The following PIGL variants were observed in gnomAD, a reference collection of about 807,000 sequenced individuals.
PIGL encodes the protein N-acetylglucosaminyl-phosphatidylinositol de-N-acetylase.
In PIGL, 22 loss-of-function variants were observed where a neutral mutation model predicts 31.1. That is an observed-to-expected ratio of 0.71 (90% CI 0.51 to 1.01). The LOEUF is 1.01. PIGL is among the 50% of genes least tolerant of loss of function. The pLI is 0.00. For missense variants in PIGL, 302 were observed against 315.9 expected, an observed-to-expected ratio of 0.96 and a Z score of 0.33; for synonymous variants, 131 against 117.4, an observed-to-expected ratio of 1.12 and a Z score of -0.75.
At position 16,269,148 on chromosome 17, in the gene PIGL, C is replaced by G. The variant is rs558420291; in HGVS notation, c.336-30740C>G. 2.6e-5 allele frequency among the ~76,000 whole-genome samples: 4 copies of G among 152,308 alleles called. No homozygotes were observed. In the South Asian group the frequency reaches 8.3e-4, roughly 32 times the overall value. On this transcript the variant is annotated intron_variant, in intron 2 of 6. Transcript: ENST00000225609. ...CTAGGAGTAAATGCTGTCATTACTC[C>G]CATTTTACAGATGAGGAAACTGAGT...
intron 2 of PIGL, among the ~76,000 whole-genome samples, chr17:16,272,790 G>T (rs1205324255): frequency 1.3e-5 from 2 of 152,134 alleles, no homozygotes; most frequent in African/African-American, 4.8e-5. Flanking sequence ...CCTGGCTCCA[G>T]CTGTCCTCCT....
chr17:16,308,886 T>G (rs2093037164), intron 3 of PIGL, among the ~76,000 whole-genome samples: 1 of 146,822 alleles, frequency 6.8e-6, no homozygotes, highest in Non-Finnish European at 1.5e-5. Flanking sequence ...ACCCCTGGAC[T>G]CCTTGAAATC....
chr17:16,262,551 G>T (rs1568806088), intron 2 of PIGL, among the ~76,000 whole-genome samples: 1 of 152,086 alleles, frequency 6.6e-6, no homozygotes, highest in African/African-American at 2.4e-5. Flanking sequence ...AATACAAATG[G>T]TTTGTGTCTG....
intron 1 of PIGL, among the ~76,000 whole-genome samples, chr17:16,223,016 AAAAT>A (rs143198388): frequency 0.019 from 2,854 of 152,282 alleles, 60 homozygotes; most frequent in East Asian, 0.05. Context: ...TGACTCAGAA[AAAAT>A]AAATAAATAA....
At chr17:16,251,422 CAAAA>C (rs34657944) in intron 2 of PIGL, among the ~76,000 whole-genome samples, 2 of 126,296 alleles carry the variant, frequency 1.6e-5, no homozygotes, top group Non-Finnish European at 3.4e-5. Context: ...GACTCTGTCT[CAAAA>C]AAAAAAAAAA....
At chr17:16,310,398 T>A in intron 3 of PIGL, among the ~76,000 whole-genome samples, 1 of 151,962 alleles carries the variant, frequency 6.6e-6, no homozygotes. Flanking sequence ...ACTCTCAAGA[T>A]GATCCTTCTA....
intron 2 of PIGL, among the ~76,000 whole-genome samples, chr17:16,260,852 G>T (rs1402972353): frequency 2.6e-5 from 4 of 152,148 alleles, no homozygotes; most frequent in African/African-American, 9.7e-5. Flanking sequence ...GGTCACAGTG[G>T]CTCACACCTG....
At chr17:16,244,958 G>A (rs1018369418) in intron 2 of PIGL, among the ~76,000 whole-genome samples, 2 of 151,458 alleles carry the variant, frequency 1.3e-5, no homozygotes, top group Non-Finnish European at 3.0e-5. Context: ...GATTACAGGT[G>A]TGAGCCATCA....
In PIGL at chr17:16,251,927, G is replaced by GAAATGCA. The variant is rs1398122082; in HGVS notation, c.335+17858_335+17864dup. Among the ~76,000 whole-genome samples the GAAATGCA allele has an allele frequency of 2.6e-5, 4 of 152,130 alleles. No homozygotes were observed. The South Asian group carries it at 8.3e-4, about 32-fold the overall frequency. On this transcript the variant is annotated intron_variant, in intron 2 of 6. Transcript: ENST00000225609. ...ATACTTGGGAACGGTATGTGATTGA[G>GAAATGCA]AAATGCAGCCAACAGATTTGGTATT...
chr17:16,288,006 T>C (rs920846534), intron 2 of PIGL, among the ~76,000 whole-genome samples: 8 of 152,214 alleles, frequency 5.3e-5, no homozygotes, highest in African/African-American at 1.9e-4. Context: ...TACCTTCTTC[T>C]TGAGATGTAG....
At chr17:16,297,196 G>A (rs988902644) in intron 2 of PIGL, among the ~76,000 whole-genome samples, 1 of 152,190 alleles carries the variant, frequency 6.6e-6, no homozygotes, top group Non-Finnish European at 1.5e-5. Context: ...TCACATCACA[G>A]AGCAGATATT....
chr17:16,229,961 A>G (rs2092671635), intron 1 of PIGL, among the ~76,000 whole-genome samples: 1 of 142,144 alleles, frequency 7.0e-6, no homozygotes, highest in Non-Finnish European at 1.5e-5. Context: ...TCCTAGGTTC[A>G]AGAGATTCTC....
At chr17:16,259,584 CA>C (rs953756691) in intron 2 of PIGL, among the ~76,000 whole-genome samples, 3 of 151,158 alleles carry the variant, frequency 2.0e-5, no homozygotes, top group Admixed American at 6.6e-5. Context: ...AAAATTATCT[CA>C]AAAAAAAATC....
intron 2 of PIGL, among the ~76,000 whole-genome samples, chr17:16,245,796 A>C (rs1028279860): frequency 1.4e-5 from 2 of 138,094 alleles, no homozygotes; most frequent in African/African-American, 6.2e-5. Context: ...ATATATATAC[A>C]CACACACACA....
At chr17:16,253,947 A>C in intron 2 of PIGL, among the ~76,000 whole-genome samples, 1 of 143,172 alleles carries the variant, frequency 7.0e-6, no homozygotes. Context: ...TGTCTAAGTA[A>C]AAAAAAAAAA....
rs1026814434 is a variant in PIGL at position 16,267,345 on chromosome 17, C to T, written c.336-32543C>T. ...CTTGCTGTCTCAGGGGTGGCAGAGG[C>T]GGAAGAGGTGGAGGAAGTGGATGGG... On this transcript the variant is annotated intron_variant, in intron 2 of 6. Coordinates refer to ENST00000225609, the MANE Select transcript of PIGL (RefSeq NM_004278.4). Among the ~76,000 whole-genome samples, 4 of 151,350 alleles carry T rather than the reference C, an allele frequency of 2.6e-5. No homozygotes were observed. The South Asian group carries it at 8.4e-4, about 32-fold the overall frequency.
chr17:16,297,722 A>G (rs2092988558), intron 2 of PIGL, among the ~76,000 whole-genome samples: 1 of 152,158 alleles, frequency 6.6e-6, no homozygotes, highest in East Asian at 1.9e-4. Context: ...CCTGTCCCTC[A>G]CCTGCTGAGC....
intron 2 of PIGL, among the ~76,000 whole-genome samples, chr17:16,241,114 C>CA (rs35578509): frequency 0.39 from 20,926 of 53,204 alleles, 3,921 homozygotes; most frequent in Non-Finnish European, 0.5. Context: ...AACTCCCTCT[C>CA]AAAAAAAAAA....
At chr17:16,264,423 G>A (rs2092832849) in intron 2 of PIGL, among the ~76,000 whole-genome samples, 1 of 151,870 alleles carries the variant, frequency 6.6e-6, no homozygotes, top group African/African-American at 2.4e-5. Context: ...TGAGATTACA[G>A]GTGTGAACCA....
Sources: gnomAD v4.1 joint callset for allele counts (sites outside exome capture counted in the v4.1 genomes callset) on GRCh38, gnomAD v4.1.1 for gene constraint, MANE v1.5 for transcripts, NCBI Gene and HGNC (gene_info 2026-07-23, HGNC 2026-07-21) for gene names.